The following DIAPH3 variants were observed in gnomAD, a reference collection of about 807,000 sequenced individuals.
The protein encoded by DIAPH3 is diaphanous related formin 3.
Under a neutral mutation model 144.3 loss-of-function variants are expected in DIAPH3, and 117 were observed. The observed-to-expected ratio is 0.81, with a 90% CI of 0.70 to 0.95. The LOEUF (loss-of-function observed/expected upper bound fraction) is 0.95, where lower values mean the gene tolerates loss of function less well. Among genes scored for constraint, DIAPH3 ranks in the 40% least tolerant of loss-of-function variants. The probability of loss-of-function intolerance (pLI) is 0.00; values close to 1 mark genes in which losing one functional copy is unlikely to be tolerated. For missense variants in DIAPH3, 1,421 were observed against 1,412.7 expected (o/e 1.01, Z -0.09); for synonymous variants, 519 against 488.9 (o/e 1.06, Z -0.81).
intron 20 of DIAPH3, among the ~76,000 whole-genome samples, chr13:59,896,496 T>C (rs1207917640): frequency 2.0e-5 from 3 of 150,860 alleles, no homozygotes; most frequent in Non-Finnish European, 4.4e-5. Context: ...CTAGGTATCC[T>C]AAAGCATTAT....
intron 18 of DIAPH3, among the ~76,000 whole-genome samples, chr13:59,917,889 CAAAAA>C (rs60792156): frequency 9.7e-4 from 18 of 18,642 alleles, no homozygotes; most frequent in South Asian, 3.1e-3. Context: ...GACTCTGTCT[CAAAAA>C]AAAAAAAAAA....
chr13:60,085,028 A>G (rs1363123576), intron 4 of DIAPH3, among the ~76,000 whole-genome samples: 2 of 152,100 alleles, frequency 1.3e-5, no homozygotes, highest in East Asian at 1.9e-4. Flanking sequence ...CTTAAGTACA[A>G]AAGAGCTTAG....
chr13:59,880,927 C>T (rs1035159337), intron 20 of DIAPH3, among the ~76,000 whole-genome samples: 4 of 139,554 alleles, frequency 2.9e-5, no homozygotes, highest in Non-Finnish European at 6.1e-5. Flanking sequence ...TAAGGAACGT[C>T]TTCATATTCC....
At chr13:59,983,044 G>A (rs959631110) in intron 13 of DIAPH3, among the ~76,000 whole-genome samples, 2 of 149,644 alleles carry the variant, frequency 1.3e-5, no homozygotes. Flanking sequence ...TGAAGTTATA[G>A]GCTCACTTTA....
intron 17 of DIAPH3, among the ~76,000 whole-genome samples, chr13:59,953,700 T>C (rs901536452): frequency 3.3e-5 from 5 of 151,652 alleles, no homozygotes; most frequent in Middle Eastern, 3.4e-3. Context: ...AAGGAGAAAA[T>C]AGCTAGATAC....
rs541944152 is a variant in DIAPH3, at chr13:59,974,521, T to A, written c.1546-65A>T. On this transcript the variant is annotated intron_variant, in intron 14 of 27. Coordinates refer to ENST00000400324, the MANE Select transcript of DIAPH3 (RefSeq NM_001042517.2). The stretch of plus-strand genomic sequence containing the variant: ...AAAATGAAAAGCACTATTCTTCTTA[T>A]AGAAATGTGACTCGAATGATCTGCC... 2.2e-4 allele frequency: 293 copies of A among 1,323,936 alleles called. 8 individuals are homozygous for A. In the South Asian group the frequency reaches 3.3e-3, roughly 15 times the overall value. The allele number at this position is 1,323,936 out of a possible 1,614,324, so 82.0% of individuals were successfully genotyped here.
intron 22 of DIAPH3, among the ~76,000 whole-genome samples, chr13:59,857,758 G>A (rs999055794): frequency 1.3e-5 from 2 of 152,144 alleles, no homozygotes; most frequent in African/African-American, 4.8e-5. Context: ...CCAAAGGGAA[G>A]GTGACATTTA....
intron 27 of DIAPH3, among the ~76,000 whole-genome samples, chr13:59,746,220 TTTTG>T (rs1406131549): frequency 1.3e-5 from 2 of 151,906 alleles, no homozygotes; most frequent in African/African-American, 4.8e-5. Context: ...CCAGCTGGGT[TTTTG>T]TTTGTTTGTT....
intron 9 of DIAPH3, among the ~76,000 whole-genome samples, chr13:60,000,440 C>G (rs370390035): frequency 4.0e-5 from 6 of 150,680 alleles, no homozygotes; most frequent in African/African-American, 1.5e-4. Context: ...AAACCTAAAG[C>G]AAACAATGGC....
intron 27 of DIAPH3, among the ~76,000 whole-genome samples, chr13:59,704,970 A>G (rs538394031): frequency 6.6e-6 from 1 of 152,332 alleles, no homozygotes; most frequent in East Asian, 1.9e-4. Context: ...TGTGAAAAGA[A>G]TTAGTTCCAT....
chr13:59,684,052 A>G (rs1371826120), intron 27 of DIAPH3, among the ~76,000 whole-genome samples: 1 of 143,660 alleles, frequency 7.0e-6, no homozygotes. Flanking sequence ...CAGGGGGAGG[A>G]AAAAAAAAAA....
intron 22 of DIAPH3, among the ~76,000 whole-genome samples, chr13:59,842,034 CT>C (rs1189589726): frequency 6.6e-6 from 1 of 152,000 alleles, no homozygotes; most frequent in African/African-American, 2.4e-5. Flanking sequence ...TTCATAACCC[CT>C]GTCAGTAACA....
At chr13:59,979,133 A>G (rs1472599762) in intron 14 of DIAPH3, among the ~76,000 whole-genome samples, 2 of 151,704 alleles carry the variant, frequency 1.3e-5, no homozygotes, top group Non-Finnish European at 3.0e-5. Flanking sequence ...ACTAACACAT[A>G]TAATTTCTGA....
intron 19 of DIAPH3, 54 bp from the exon 20 acceptor site, chr13:59,911,890 T>A: frequency 7.8e-7 from 1 of 1,286,162 alleles, no homozygotes; most frequent in Non-Finnish European, 1.1e-6. Context: ...TCTTGAATTT[T>A]AAAAATATAA....
At chr13:60,109,206 G>T in intron 3 of DIAPH3, among the ~76,000 whole-genome samples, 1 of 152,038 alleles carries the variant, frequency 6.6e-6, no homozygotes, top group East Asian at 1.9e-4. Flanking sequence ...AGTGAAGTGT[G>T]TGTCACAGAG....
chr13:59,703,279 T>C (rs1242568785), intron 27 of DIAPH3, among the ~76,000 whole-genome samples: 1 of 152,238 alleles, frequency 6.6e-6, no homozygotes, highest in Non-Finnish European at 1.5e-5. Context: ...TCATATTAAT[T>C]ACATGTTGAA....
intron 20 of DIAPH3, among the ~76,000 whole-genome samples, chr13:59,880,716 C>G (rs968655093): frequency 3.3e-5 from 5 of 151,930 alleles, no homozygotes; most frequent in Non-Finnish European, 7.4e-5. Context: ...TCTTTGTACA[C>G]AACTCTGAGA....
chr13:59,887,996 C>A (rs1428350080), intron 20 of DIAPH3, among the ~76,000 whole-genome samples: 3 of 152,070 alleles, frequency 2.0e-5, no homozygotes, highest in African/African-American at 7.2e-5. Context: ...AAGATACCTT[C>A]TTGGAAATAC....
rs769731457 is a variant in DIAPH3 at position 59,666,662 on chromosome 13, C to T, written c.3504G>A (p.Thr1168=). ...TTTTAGAAAAAGAGCCAAGAAGTTC[C>T]GTTTCCTTTTTTCTGTTGCTTTCTA... is the stretch of plus-strand genomic sequence containing the variant. ...CNVESNRKKE[T]ELLGSFSKNE... is the part of the protein sequence containing the mutation. The change falls in exon 28 of 28, where the codon ACG becomes ACA. Residue 1168 remains threonine (T), a synonymous_variant. Coordinates refer to ENST00000400324, the MANE Select transcript of DIAPH3 (RefSeq NM_001042517.2). 42 of 1,613,952 alleles carry T rather than the reference C, an allele frequency of 2.6e-5. No individual in the cohort carries two copies. Among genetic ancestry groups the T allele is most frequent in the Middle Eastern group, 1.6e-4 (1 of 6,084 alleles).
Sources: allele counts gnomAD v4.1 joint callset (sites outside exome capture counted in the v4.1 genomes callset), GRCh38; gene constraint gnomAD v4.1.1; transcripts MANE v1.5; gene names NCBI Gene and HGNC (gene_info 2026-07-23, HGNC 2026-07-21).